Variants in TRIM2 observed in about 807,000 individuals in gnomAD.
The protein encoded by TRIM2 is tripartite motif-containing protein 2.
TRIM2 carries 20 observed loss-of-function variants against 75.2 expected under a neutral mutation model. The observed-to-expected ratio is 0.27, with a 90% confidence interval of 0.19 to 0.39. TRIM2 has a LOEUF of 0.39. Among genes scored for constraint, TRIM2 ranks in the 10% least tolerant of loss-of-function variants. TRIM2 has a pLI of 1.00. For missense variants in TRIM2, 660 were observed against 990.8 expected, an observed-to-expected ratio of 0.67 and a Z score of 4.48; for synonymous variants, 373 against 388.3, an observed-to-expected ratio of 0.96 and a Z score of 0.46.
chr4:153,334,237 C>T (rs1304817722), intron 11 of TRIM2, among the ~76,000 whole-genome samples: 1 of 152,140 alleles, frequency 6.6e-6, no homozygotes, highest in Non-Finnish European at 1.5e-5. Flanking sequence ...CAGCCAATGG[C>T]ATATTCTTCT....
chr4:153,159,190 T>C (rs1425172811), intron 1 of TRIM2, among the ~76,000 whole-genome samples: 2 of 152,212 alleles, frequency 1.3e-5, no homozygotes, highest in Non-Finnish European at 2.9e-5. Flanking sequence ...AATGAGGACT[T>C]TGAACTTGTT....
chr4:153,175,341 C>A (rs922351223), intron 1 of TRIM2, among the ~76,000 whole-genome samples: 1 of 151,932 alleles, frequency 6.6e-6, no homozygotes, highest in Admixed American at 6.6e-5. Flanking sequence ...AGTTTTTTTC[C>A]GGCGTATTGA....
At chr4:153,156,206 T>C (rs1393635282) in intron 1 of TRIM2, among the ~76,000 whole-genome samples, 1 of 152,214 alleles carries the variant, frequency 6.6e-6, no homozygotes, top group Non-Finnish European at 1.5e-5. Flanking sequence ...ATGGGAGCTC[T>C]CCCGGGGCCT....
intron 1 of TRIM2, among the ~76,000 whole-genome samples, chr4:153,264,815 T>C (rs774739908): frequency 1.3e-5 from 2 of 152,172 alleles, no homozygotes; most frequent in African/African-American, 2.4e-5. Flanking sequence ...ATCATTATCC[T>C]GGCAAATCTG....
At chr4:153,289,318 A>G (rs1761359880) in intron 3 of TRIM2, among the ~76,000 whole-genome samples, 1 of 152,114 alleles carries the variant, frequency 6.6e-6, no homozygotes, top group African/African-American at 2.4e-5. Flanking sequence ...TTATTATCCA[A>G]TGCAACTAAT....
At chr4:153,205,847 C>G (rs986766192) in intron 1 of TRIM2, among the ~76,000 whole-genome samples, 1 of 152,164 alleles carries the variant, frequency 6.6e-6, no homozygotes. Context: ...CGCCAAGCAA[C>G]ATGAATGCTT....
At chr4:153,204,844 T>C (rs1734959274) in intron 1 of TRIM2, among the ~76,000 whole-genome samples, 1 of 152,256 alleles carries the variant, frequency 6.6e-6, no homozygotes, top group Non-Finnish European at 1.5e-5. Context: ...GTTCCAGTGA[T>C]GTTGTGAGAC....
upstream of TRIM2, among the ~76,000 whole-genome samples, chr4:153,201,270 T>C (rs1734340609): frequency 6.6e-6 from 1 of 152,176 alleles, no homozygotes; most frequent in African/African-American, 2.4e-5. Flanking sequence ...AGCCTCATTG[T>C]GTTTTTGATT....
At chr4:153,251,079 T>C (rs775229099) in intron 1 of TRIM2, among the ~76,000 whole-genome samples, 1 of 152,200 alleles carries the variant, frequency 6.6e-6, no homozygotes, top group Admixed American at 6.5e-5. Context: ...ATAACCCCAA[T>C]AGGTTAAGGC....
chr4:153,266,349 T>G (rs1246401379), intron 1 of TRIM2, among the ~76,000 whole-genome samples: 4 of 148,038 alleles, frequency 2.7e-5, no homozygotes, highest in Non-Finnish European at 6.0e-5. Context: ...TTTGGGTTTT[T>G]TTTTTTTTTT....
intron 1 of TRIM2, chr4:153,156,894 C>T (rs1447649710): frequency 2.6e-5 from 4 of 152,290 alleles, no homozygotes; most frequent in African/African-American, 9.7e-5. Context: ...GGCTGTTGTA[C>T]TTTGGATGGT....
At chr4:153,209,222 C>T (rs1028536467) in intron 1 of TRIM2, among the ~76,000 whole-genome samples, 5 of 152,172 alleles carry the variant, frequency 3.3e-5, no homozygotes, top group Admixed American at 6.5e-5. Context: ...ATTCATAATC[C>T]CTTGCATTTG....
intron 1 of TRIM2, 98 bp downstream of exon 1, chr4:153,204,658 C>T: frequency 6.8e-7 from 1 of 1,476,964 alleles, no homozygotes; most frequent in Non-Finnish European, 9.3e-7. Flanking sequence ...CTACTTTTTC[C>T]TGGTTTTAAT....
At chr4:153,279,384 A>G (rs1442694732) in intron 3 of TRIM2, among the ~76,000 whole-genome samples, 1 of 152,232 alleles carries the variant, frequency 6.6e-6, no homozygotes. Flanking sequence ...TTCCTGCCCT[A>G]CAATGCACTA....
At chr4:153,257,611 G>C (rs889265490) in intron 1 of TRIM2, 2 of 1,288,266 alleles carry the variant, frequency 1.6e-6, no homozygotes, top group African/African-American at 3.0e-5. Flanking sequence ...CTGCATGGTA[G>C]GGAATTTTAA....
chr4:153,315,655 C>T, intron 7 of TRIM2, 67 bp downstream of exon 7: 1 of 1,424,536 alleles, frequency 7.0e-7, no homozygotes, highest in Non-Finnish European at 9.7e-7. Flanking sequence ...TACATATATT[C>T]CTACTTTAGA....
At chr4:153,293,205 G>A (rs1762166041) in intron 4 of TRIM2, 72 bp downstream of exon 4, 19 of 1,433,162 alleles carry the variant, frequency 1.3e-5, no homozygotes, top group Non-Finnish European at 1.8e-5. Context: ...CTCTTGTCTA[G>A]GTACAAGAGT....
At chr4:153,201,704 A>G (rs1349552403), upstream of TRIM2, among the ~76,000 whole-genome samples, 1 of 151,994 alleles carries the variant, frequency 6.6e-6, no homozygotes, top group Non-Finnish European at 1.5e-5. Flanking sequence ...CTAAAGAAAG[A>G]AAAAAAGAAA....
chr4:153,197,938 G>A (rs1317522232), intron 1 of TRIM2, among the ~76,000 whole-genome samples: 4 of 152,036 alleles, frequency 2.6e-5, no homozygotes, highest in Admixed American at 6.6e-5. Context: ...TTGTGAGGGC[G>A]GCAAAAAGAC....
Sources: allele counts gnomAD v4.1 joint callset (sites outside exome capture counted in the v4.1 genomes callset), GRCh38; gene constraint gnomAD v4.1.1; transcripts MANE v1.5; gene names NCBI Gene and HGNC (gene_info 2026-07-23, HGNC 2026-07-21).